TLR2: variants seen among roughly 807,000 people sequenced by gnomAD.
TLR2 encodes the protein toll-like receptor 2.
In TLR2, 7 loss-of-function variants were observed where a neutral mutation model predicts 9.1. The observed-to-expected ratio is 0.77, with a 90% confidence interval of 0.44 to 1.44. TLR2 has a LOEUF of 1.44. Among genes scored for constraint, TLR2 ranks in the 40% most tolerant of loss-of-function variants. The probability of loss-of-function intolerance (pLI) is 0.01; values close to 1 mark genes in which losing one functional copy is unlikely to be tolerated. For synonymous variants in TLR2, 317 were observed against 344.6 expected, an observed-to-expected ratio of 0.92 and a Z score of 0.89; for missense variants, 812 against 904.6, an observed-to-expected ratio of 0.90 and a Z score of 1.31.
Position 153,703,577 on chromosome 4 carries a change from G to T in TLR2, c.670G>T (p.Val224Leu), listed in dbSNP as rs1173378845. The stretch of plus-strand genomic sequence containing the variant: ...GATTTTTGTAGATGTTACAAGTTCC[G>T]TGGAATGTTTGGAACTGCGAGATAC... ...LEIFVDVTSSVECLELRDTDL... is the reference protein window; with the variant it reads ...LEIFVDVTSSLECLELRDTDL... The change falls in exon 3 of 3, where the codon GTG becomes TTG. Residue 224 changes from valine (V) to leucine (L), a missense_variant. Transcript: ENST00000642700. 6.2e-7 allele frequency: 1 copy of T among 1,614,106 alleles called. No individual in the cohort carries two copies. Among genetic ancestry groups the T allele is most frequent in the African/African-American group, 1.3e-5 (1 of 75,048 alleles).
intron 2 of TLR2, among the ~76,000 whole-genome samples, chr4:153,691,587 T>C (rs1395350397): frequency 6.6e-6 from 1 of 152,072 alleles, no homozygotes; most frequent in Non-Finnish European, 1.5e-5. Context: ...TTATTTGAGA[T>C]TTATGGATTT....
intron 2 of TLR2, among the ~76,000 whole-genome samples, chr4:153,699,670 C>T (rs1474554710): frequency 2.0e-5 from 3 of 152,114 alleles, no homozygotes; most frequent in Non-Finnish European, 4.4e-5. Flanking sequence ...ATACATCCTA[C>T]TGCACTTGCA....
At chr4:153,707,553 A>AAAACAAAACG (rs1272204488), downstream of TLR2, among the ~76,000 whole-genome samples, 1 of 152,142 alleles carries the variant, frequency 6.6e-6, no homozygotes, top group African/African-American at 2.4e-5. Flanking sequence ...CTGTCTCAAA[A>AAAACAAAACG]AAACAAAATG....
chr4:153,687,649 C>A (rs774636029), intron 1 of TLR2, among the ~76,000 whole-genome samples: 5 of 152,078 alleles, frequency 3.3e-5, no homozygotes, highest in Non-Finnish European at 7.4e-5. Context: ...AATAGCCAAG[C>A]TTTAGCCAAT....
rs1737308661 is a variant in TLR2 at position 153,705,986 on chromosome 4, A to T, written c.*724A>T. Among the ~76,000 whole-genome samples, 1 of 152,222 alleles carries T rather than the reference A, an allele frequency of 6.6e-6. No homozygotes were observed. Among genetic ancestry groups the T allele is most frequent in the Non-Finnish European group, 1.5e-5 (1 of 68,044 alleles). On this transcript the variant is annotated 3_prime_UTR_variant, in exon 3 of 3. Coordinates refer to ENST00000642700, the MANE Select transcript of TLR2 (RefSeq NM_001318789.2). Reference sequence around the variant, plus strand: ...TAGCTGTCACTTCTCTGTGCAGCTGATCTCAAGAGCAACAAGGCAAAGTAT... The same window carrying T: ...TAGCTGTCACTTCTCTGTGCAGCTGTTCTCAAGAGCAACAAGGCAAAGTAT...
intron 1 of TLR2, among the ~76,000 whole-genome samples, chr4:153,685,532 C>T (rs924749210): frequency 6.6e-6 from 1 of 151,352 alleles, no homozygotes; most frequent in Non-Finnish European, 1.5e-5. Flanking sequence ...CAAAACAAAA[C>T]AAACAAACAA....
In TLR2 at chr4:153,704,238, C is replaced by T; in HGVS notation, c.1331C>T (p.Ser444Phe). ...GAAAAGATGAAATATTTGAACTTATCCAGCACACGAATACACAGTGTAACA... is the reference window on the plus strand; with the variant it reads ...GAAAAGATGAAATATTTGAACTTATTCAGCACACGAATACACAGTGTAACA... ...WPEKMKYLNLSSTRIHSVTGC... is the reference protein window; with the variant it reads ...WPEKMKYLNLFSTRIHSVTGC... The change falls in exon 3 of 3, where the codon TCC becomes TTC. Residue 444 changes from serine (S) to phenylalanine (F), a missense_variant. By Grantham distance (155) the Ser-to-Phe change is radical (BLOSUM62 -2). Coordinates refer to ENST00000642700, the MANE Select transcript of TLR2 (RefSeq NM_001318789.2). The T allele has an allele frequency of 1.2e-6, 2 of 1,614,136 alleles. No individual in the cohort carries two copies. Among genetic ancestry groups the T allele is most frequent in the Non-Finnish European group, 1.7e-6 (2 of 1,180,018 alleles).
chr4:153,693,466 C>T (rs1023457581), intron 2 of TLR2, among the ~76,000 whole-genome samples: 4 of 152,192 alleles, frequency 2.6e-5, no homozygotes, highest in South Asian at 2.1e-4. Flanking sequence ...TTGCTGAATT[C>T]CTGGCTGAAT....
chr4:153,704,618 C>T lies in TLR2; in HGVS notation c.1711C>T (p.Arg571Cys), dbSNP rs1229052733. The change falls in exon 3 of 3, where the codon CGT becomes TGT. Residue 571 changes from arginine to cysteine, a missense_variant. Arg to Cys is a radical substitution (Grantham distance 180). Transcript: ENST00000642700. Reference protein sequence around the residue: ...NYLCDSPSHVRGQQVQDVRLS... With the variant: ...NYLCDSPSHVCGQQVQDVRLS... ...CCTGTGTGACTCTCCATCCCATGTG[C>T]GTGGCCAGCAGGTTCAGGATGTCCG... The T allele has an allele frequency of 1.4e-5, 23 of 1,613,078 alleles. No individual in the cohort carries two copies. The highest frequency in any genetic ancestry group is 5.4e-5 in the African/African-American group (4 of 74,624).
At position 153,704,544 on chromosome 4, in the gene TLR2, A is replaced by G; in HGVS notation, c.1637A>G (p.Gln546Arg). The change falls in exon 3 of 3, where the codon CAG becomes CGG. Residue 546 changes from glutamine (Q) to arginine (R), a missense_variant. Gln to Arg is a conservative substitution (Grantham distance 43, BLOSUM62 1). Coordinates refer to ENST00000642700, the MANE Select transcript of TLR2 (RefSeq NM_001318789.2). ...TCCTGTGAATTCCTCTCCTTCACTC[A>G]GGAGCAGCAAGCACTGGCCAAAGTC... ...ICSCEFLSFT[Q>R]EQQALAKVLI... 1 of 1,613,996 alleles carries G rather than the reference A, an allele frequency of 6.2e-7. No homozygotes were observed. The highest frequency in any genetic ancestry group is 8.5e-7 in the Non-Finnish European group (1 of 1,179,984).
At position 153,705,084 on chromosome 4, in the gene TLR2, A is replaced by G. The variant is rs1737244182; in HGVS notation, c.2177A>G (p.Asp726Gly). 2.5e-6 allele frequency: 4 copies of G among 1,613,928 alleles called. No homozygotes were observed. Among genetic ancestry groups the G allele is most frequent in the African/African-American group, 2.7e-5 (2 of 74,860 alleles). ...ELDFSHFRLF[D>G]ENNDAAILIL... ...GACTTCTCCCATTTCCGTCTTTTTG[A>G]TGAGAACAATGATGCTGCCATTCTC... is the stretch of plus-strand genomic sequence containing the variant. Residue 726 changes from aspartate to glycine, a missense_variant, in exon 3 of 3, where the codon GAT becomes GGT. By Grantham distance (94) the Asp-to-Gly change is moderately conservative (BLOSUM62 -1). Coordinates refer to ENST00000642700, the MANE Select transcript of TLR2 (RefSeq NM_001318789.2).
At chr4:153,695,859 G>T (rs1736453991) in intron 2 of TLR2, among the ~76,000 whole-genome samples, 1 of 152,046 alleles carries the variant, frequency 6.6e-6, no homozygotes, top group African/African-American at 2.4e-5. Flanking sequence ...TTTGTATATG[G>T]CAAGATATAG....
At chr4:153,694,259 G>T (rs1470499113) in intron 2 of TLR2, among the ~76,000 whole-genome samples, 1 of 152,214 alleles carries the variant, frequency 6.6e-6, no homozygotes, top group Non-Finnish European at 1.5e-5. Context: ...GCCTTAAGTG[G>T]TTTTCCATCT....
intron 2 of TLR2, among the ~76,000 whole-genome samples, chr4:153,691,290 T>C (rs550714781): frequency 1.4e-3 from 216 of 152,366 alleles, no homozygotes; most frequent in Non-Finnish European, 2.3e-3. Flanking sequence ...CAAAGTCAGC[T>C]AAATGGGTTT....
At chr4:153,700,683 A>G (rs1470237653) in intron 2 of TLR2, among the ~76,000 whole-genome samples, 1 of 152,246 alleles carries the variant, frequency 6.6e-6, no homozygotes, top group Admixed American at 6.5e-5. Flanking sequence ...AAGGAACTCT[A>G]TTAAGTGTAT....
At chr4:153,710,437 A>C, downstream of TLR2, 1 of 1,598,588 alleles carries the variant, frequency 6.3e-7, no homozygotes, top group Middle Eastern at 1.7e-4. Flanking sequence ...CAGGCCACCA[A>C]ATAACGAAGC....
chr4:153,705,280 C>A lies in TLR2; in HGVS notation c.*18C>A, dbSNP rs1737264094. 6.5e-7 allele frequency: 1 copy of A among 1,535,706 alleles called. No individual in the cohort carries two copies. The highest frequency in any genetic ancestry group is 8.8e-7 in the Non-Finnish European group (1 of 1,142,416). On this transcript the variant is annotated 3_prime_UTR_variant, in exon 3 of 3. Transcript: ENST00000642700. ...AGTCCTAGGTTCCCATATTTAAGACCAGTCTTTGTCTAGTTGGGATCTTTA... is the reference window on the plus strand; with the variant it reads ...AGTCCTAGGTTCCCATATTTAAGACAAGTCTTTGTCTAGTTGGGATCTTTA...
At chr4:153,706,661 T>A (rs964287942), downstream of TLR2, among the ~76,000 whole-genome samples, 7 of 152,330 alleles carry the variant, frequency 4.6e-5, no homozygotes, top group African/African-American at 1.7e-4. Flanking sequence ...TATGTAACTT[T>A]CTTAAGCTGG....
chr4:153,702,792 G>A, intron 2 of TLR2, 100 bp from the exon 3 acceptor site: 5 of 656,234 alleles, frequency 7.6e-6, no homozygotes, highest in East Asian at 3.3e-5. Context: ...GTGTGTGTGT[G>A]TGTGTGTGTG....
Sources: allele counts gnomAD v4.1 joint callset (sites outside exome capture counted in the v4.1 genomes callset), GRCh38; gene constraint gnomAD v4.1.1; transcripts MANE v1.5; gene names NCBI Gene and HGNC (gene_info 2026-07-23, HGNC 2026-07-21).